The following PTBP2 variants were observed in gnomAD, a reference collection of about 807,000 sequenced individuals.
PTBP2 encodes the protein polypyrimidine tract binding protein 2.
Under a neutral mutation model 61.4 loss-of-function variants are expected in PTBP2, and 13 were observed. That is an observed-to-expected ratio of 0.21 (90% CI 0.14 to 0.34). The LOEUF (loss-of-function observed/expected upper bound fraction) is 0.34, where lower values mean the gene tolerates loss of function less well. Ranked by LOEUF, PTBP2 falls within the 10% of genes least tolerant of loss-of-function variation. The pLI, the probability that PTBP2 is intolerant of heterozygous loss-of-function variation, is 1.00. For missense variants in PTBP2, 405 were observed against 642.6 expected (o/e 0.63, Z 4.00); for synonymous variants, 215 against 218.5 (o/e 0.98, Z 0.14).
At chr1:96,791,839 T>TTTTTTTGTTTTTTTTTTTG (rs1557759326) in intron 8 of PTBP2, among the ~76,000 whole-genome samples, 7 of 138,236 alleles carry the variant, frequency 5.1e-5, no homozygotes, top group African/African-American at 1.7e-4. Context: ...TTTTTTTTTT[T>TTTTTTTGTTTTTTTTTTTG]TTTTTTTTTT....
Position 96,805,338 on chromosome 1 carries a change from G to C in PTBP2, c.1044+399G>C, listed in dbSNP as rs771731258. On this transcript the variant is annotated intron_variant, in intron 9 of 13. Transcript: ENST00000674951. ...GTTCATTTCATGCTTATATGTCATT[G>C]CATTTTTTTTAAATCTTATTTTATG... 1.1e-4 allele frequency among the ~76,000 whole-genome samples: 16 copies of C among 151,892 alleles called. No individual in the cohort carries two copies. The East Asian group carries it at 3.1e-3, about 29-fold the overall frequency.
intron 10 of PTBP2, 39 bp downstream of exon 10, chr1:96,806,491 G>C: frequency 1.9e-6 from 3 of 1,578,978 alleles, no homozygotes; most frequent in Non-Finnish European, 1.7e-6. Context: ...TTATTGATTT[G>C]ATTTTTGTTT....
chr1:96,752,660 C>A (rs967281198), intron 3 of PTBP2, among the ~76,000 whole-genome samples: 1 of 152,112 alleles, frequency 6.6e-6, no homozygotes, highest in Non-Finnish European at 1.5e-5. Flanking sequence ...TTGTCGGTTT[C>A]TCTTTTTGTT....
chr1:96,789,184 A>G (rs181004541), intron 8 of PTBP2, among the ~76,000 whole-genome samples: 123 of 152,184 alleles, frequency 8.1e-4, no homozygotes, highest in African/African-American at 2.8e-3. Context: ...AAGAGTGTTT[A>G]TTTTAGAGCT....
At chr1:96,790,574 A>G (rs902982173) in intron 8 of PTBP2, among the ~76,000 whole-genome samples, 1 of 152,202 alleles carries the variant, frequency 6.6e-6, no homozygotes, top group African/African-American at 2.4e-5. Context: ...TCCTTCATCA[A>G]CTAGAATTAT....
intron 3 of PTBP2, among the ~76,000 whole-genome samples, chr1:96,767,481 G>C (rs1341117993): frequency 1.3e-5 from 2 of 151,920 alleles, no homozygotes; most frequent in Admixed American, 1.3e-4. Context: ...ATAACACATG[G>C]GGCTTTAGGT....
chr1:96,817,551 T>TA (rs531483630), downstream of PTBP2: 9 of 152,080 alleles, frequency 5.9e-5, no homozygotes, highest in Non-Finnish European at 1.2e-4. Flanking sequence ...ACTGTTCAAA[T>TA]ACGCGGAAAA....
In PTBP2 at chr1:96,813,661, C is replaced by CTTTTTTTTTT. The variant is rs66475516; in HGVS notation, c.*268_*277dup. ...TGTTTAAAATTTCAGTTTAATTTTGCTTTTTTTTTTTTTTTTTTTTTCCTT... is the reference window on the plus strand; with the variant it reads ...TGTTTAAAATTTCAGTTTAATTTTGCTTTTTTTTTTTTTTTTTTTTTTTTTTTTTTTCCTT... On this transcript the variant is annotated 3_prime_UTR_variant, in exon 14 of 14. Coordinates refer to ENST00000674951, the MANE Select transcript of PTBP2 (RefSeq NM_021190.4). The CTTTTTTTTTT allele has an allele frequency of 1.1e-4, 13 of 120,696 alleles. No individual in the cohort carries two copies. Among genetic ancestry groups the CTTTTTTTTTT allele is most frequent in the East Asian group, 2.0e-4 (1 of 5,120 alleles). 7.5% of individuals were successfully genotyped at this position (120,696 alleles called of 1,614,324 possible). A position where few individuals can be genotyped will look rare whatever the true frequency, so the allele number is the denominator to read the frequency against.
intron 7 of PTBP2, among the ~76,000 whole-genome samples, chr1:96,784,301 C>T (rs113256730): frequency 0.045 from 6,814 of 152,064 alleles, 471 homozygotes; most frequent in African/African-American, 0.15. Context: ...CTCTTAATAA[C>T]CCTTGAAGAA....
At chr1:96,769,030 T>A (rs1657076452) in intron 3 of PTBP2, among the ~76,000 whole-genome samples, 3 of 152,046 alleles carry the variant, frequency 2.0e-5, no homozygotes, top group Admixed American at 2.0e-4. Flanking sequence ...TAGTTCATTA[T>A]AAGATGATTA....
intron 8 of PTBP2, among the ~76,000 whole-genome samples, chr1:96,793,428 G>T (rs1269846255): frequency 6.6e-6 from 1 of 151,922 alleles, no homozygotes; most frequent in Admixed American, 6.6e-5. Flanking sequence ...GGAGTGCAGT[G>T]GCGGGATCTC....
chr1:96,803,187 A>T (rs1661194759), intron 8 of PTBP2, among the ~76,000 whole-genome samples: 1 of 152,180 alleles, frequency 6.6e-6, no homozygotes, highest in South Asian at 2.1e-4. Flanking sequence ...ACTATTGTGC[A>T]TTAGTAAGTA....
chr1:96,751,257 G>A, intron 2 of PTBP2, 168 bp from the exon 3 acceptor site: 1 of 689,730 alleles, frequency 1.4e-6, no homozygotes, highest in East Asian at 2.8e-5. Flanking sequence ...GTGAGAATGG[G>A]AGAGGGATAG....
At chr1:96,786,441 A>G (rs1051107863) in intron 8 of PTBP2, among the ~76,000 whole-genome samples, 7 of 152,136 alleles carry the variant, frequency 4.6e-5, no homozygotes, top group Non-Finnish European at 8.8e-5. Flanking sequence ...AATCTCTACT[A>G]CCTCTGTGTG....
intron 3 of PTBP2, among the ~76,000 whole-genome samples, chr1:96,762,916 A>G (rs1285590177): frequency 1.3e-5 from 2 of 149,480 alleles, no homozygotes; most frequent in Non-Finnish European, 3.0e-5. Context: ...GCGGCCGGGT[A>G]GAGGCGCTCC....
chr1:96,738,325 G>C (rs1185777154), intron 2 of PTBP2, among the ~76,000 whole-genome samples: 1 of 151,912 alleles, frequency 6.6e-6, no homozygotes, highest in Non-Finnish European at 1.5e-5. Flanking sequence ...ATGGAGTCTC[G>C]CTCTGTTGCC....
intron 2 of PTBP2, among the ~76,000 whole-genome samples, chr1:96,740,016 GTTGTGTTTGTCCTT>G (rs1171405629): frequency 6.6e-6 from 1 of 152,046 alleles, no homozygotes; most frequent in African/African-American, 2.4e-5. Context: ...GAATGCTCAG[GTTGTGTTTGTCCTT>G]TTGTGACTGG....
intron 2 of PTBP2, among the ~76,000 whole-genome samples, chr1:96,734,053 G>T (rs1027528161): frequency 2.6e-5 from 4 of 152,112 alleles, no homozygotes; most frequent in African/African-American, 9.7e-5. Flanking sequence ...GTGGTTAAGT[G>T]ATATTTTCAC....
intron 2 of PTBP2, among the ~76,000 whole-genome samples, chr1:96,740,767 G>C (rs1255615740): frequency 6.6e-6 from 1 of 151,572 alleles, no homozygotes; most frequent in Non-Finnish European, 1.5e-5. Context: ...TTCTTGTTCA[G>C]TGTTATTTTT....
Sources: gnomAD v4.1 joint callset for allele counts (sites outside exome capture counted in the v4.1 genomes callset) on GRCh38, gnomAD v4.1.1 for gene constraint, MANE v1.5 for transcripts, NCBI Gene and HGNC (gene_info 2026-07-23, HGNC 2026-07-21) for gene names.